The following TENM3 variants were observed in gnomAD, a reference collection of about 807,000 sequenced individuals.
TENM3 encodes the protein teneurin transmembrane protein 3.
Under a neutral mutation model 255.1 loss-of-function variants are expected in TENM3, and 63 were observed. The ratio of observed to expected loss-of-function variants is 0.25; its 90% CI spans 0.20 to 0.30. The LOEUF (loss-of-function observed/expected upper bound fraction) is 0.30, where lower values mean the gene tolerates loss of function less well. Ranked by LOEUF, TENM3 falls within the 10% of genes least tolerant of loss-of-function variation. The probability of loss-of-function intolerance (pLI) is 1.00; values close to 1 mark genes in which losing one functional copy is unlikely to be tolerated. For synonymous variants in TENM3, 1,306 were observed against 1,322.3 expected (o/e 0.99, Z 0.27); for missense variants, 2,929 against 3,461.1 (o/e 0.85, Z 3.86).
At chr4:182,731,626 C>A (rs997366042) in intron 16 of TENM3, among the ~76,000 whole-genome samples, 3 of 150,666 alleles carry the variant, frequency 2.0e-5, no homozygotes, top group South Asian at 4.2e-4. Flanking sequence ...CCAAAAAAAA[C>A]CACGGATTAT....
At chr4:182,423,240 G>A (rs188115478) in intron 3 of TENM3, among the ~76,000 whole-genome samples, 96 of 152,208 alleles carry the variant, frequency 6.3e-4, no homozygotes, top group African/African-American at 2.2e-3. Flanking sequence ...CTCAGGTTGT[G>A]TAAAGTATTT....
At chr4:181,554,311 A>T in the TENM3 span, among the ~76,000 whole-genome samples, 26 of 152,210 alleles carry the variant, frequency 1.7e-4, no homozygotes, top group African/African-American at 6.0e-4. Flanking sequence ...ACAGCTAAAG[A>T]AAACATTAAC....
At chr4:181,816,642 A>G in the TENM3 span, among the ~76,000 whole-genome samples, 8 of 152,062 alleles carry the variant, frequency 5.3e-5, no homozygotes, top group African/African-American at 1.4e-4. Context: ...TCCCCCATCA[A>G]CTGGGTCCTT....
chr4:182,272,047 A>G (rs1360231161), intron 1 of TENM3, among the ~76,000 whole-genome samples: 1 of 152,232 alleles, frequency 6.6e-6, no homozygotes, highest in Non-Finnish European at 1.5e-5. Flanking sequence ...ATATAAAAAT[A>G]TAGGGTGAAT....
chr4:182,159,112 G>A (rs972465265), intron 1 of TENM3, among the ~76,000 whole-genome samples: 2 of 152,208 alleles, frequency 1.3e-5, no homozygotes, highest in Non-Finnish European at 2.9e-5. Context: ...ACGATGGCTG[G>A]TGGTGTTGCT....
chr4:182,115,594 C>T, the TENM3 span, among the ~76,000 whole-genome samples: 2 of 152,156 alleles, frequency 1.3e-5, no homozygotes, highest in Admixed American at 6.5e-5. Flanking sequence ...ACCTGATAGA[C>T]TTTGATAACA....
intron 3 of TENM3, among the ~76,000 whole-genome samples, chr4:182,572,030 T>A (rs905658175): frequency 6.6e-6 from 1 of 152,072 alleles, no homozygotes; most frequent in African/African-American, 2.4e-5. Flanking sequence ...GCCTCCCGAG[T>A]AGCTGGGACT....
the TENM3 span, among the ~76,000 whole-genome samples, chr4:181,697,673 T>A: frequency 1.3e-5 from 2 of 152,100 alleles, no homozygotes; most frequent in African/African-American, 2.4e-5. Context: ...ATTACAGGCG[T>A]AAGCCACTGC....
At chr4:182,066,746 T>TAA in the TENM3 span, among the ~76,000 whole-genome samples, 1 of 151,546 alleles carries the variant, frequency 6.6e-6, no homozygotes, top group Non-Finnish European at 1.5e-5. Context: ...CCGTCTCCAC[T>TAA]AAAAATACAA....
chr4:182,540,776 TCTCATA>T (rs1326838301), intron 3 of TENM3, among the ~76,000 whole-genome samples: 1 of 152,104 alleles, frequency 6.6e-6, no homozygotes, highest in South Asian at 2.1e-4. Context: ...TGGCTTCTGC[TCTCATA>T]GAACTTAGTA....
intron 3 of TENM3, among the ~76,000 whole-genome samples, chr4:182,392,190 T>C (rs1181524887): frequency 6.6e-6 from 1 of 152,222 alleles, no homozygotes; most frequent in East Asian, 1.9e-4. Context: ...AGGGTCGTTC[T>C]TCCTCTAAGC....
At chr4:182,592,257 T>C (rs1409576084) in intron 3 of TENM3, among the ~76,000 whole-genome samples, 9 of 152,158 alleles carry the variant, frequency 5.9e-5, no homozygotes, top group Non-Finnish European at 1.0e-4. Flanking sequence ...TACCTAACTT[T>C]AGAAAATCAA....
the TENM3 span, among the ~76,000 whole-genome samples, chr4:181,985,701 G>A: frequency 6.6e-6 from 1 of 152,068 alleles, no homozygotes; most frequent in African/African-American, 2.4e-5. Context: ...TAAACAATGA[G>A]CAATTCAAAG....
intron 3 of TENM3, among the ~76,000 whole-genome samples, chr4:182,541,917 G>A (rs990185714): frequency 6.6e-6 from 1 of 151,870 alleles, no homozygotes. Context: ...AAAAAAATTA[G>A]CGAGGCGTAG....
intron 5 of TENM3, among the ~76,000 whole-genome samples, chr4:182,629,292 GCTCA>G (rs1225864523): frequency 6.6e-6 from 1 of 152,070 alleles, no homozygotes; most frequent in African/African-American, 2.4e-5. Context: ...AAGTCTCTCA[GCTCA>G]CTCAGCCATC....
the TENM3 span, among the ~76,000 whole-genome samples, chr4:182,111,189 C>CTTTTTTTTTTTTTTTTTTTTT: frequency 5.0e-5 from 4 of 80,524 alleles, no homozygotes; most frequent in African/African-American, 1.1e-4. Flanking sequence ...GTCTTCTTCT[C>CTTTTTTTTTTTTTTTTTTTTT]TTTTTTTTTT....
chr4:181,941,376 G>T, the TENM3 span, among the ~76,000 whole-genome samples: 1 of 150,512 alleles, frequency 6.6e-6, no homozygotes, highest in Non-Finnish European at 1.5e-5. Context: ...TCACTATGCT[G>T]CATTCTGGAT....
the TENM3 span, among the ~76,000 whole-genome samples, chr4:181,663,118 G>T: frequency 2.0e-5 from 3 of 152,158 alleles, no homozygotes; most frequent in African/African-American, 4.8e-5. Context: ...ATTTTTTTCT[G>T]CAGGGTCTGA....
chr4:181,461,844 A>C, the TENM3 span, among the ~76,000 whole-genome samples: 1 of 152,064 alleles, frequency 6.6e-6, no homozygotes, highest in Non-Finnish European at 1.5e-5. Context: ...CTCATGTCTA[A>C]ATCTGTTGAT....
Sources: gnomAD v4.1 joint callset for allele counts (sites outside exome capture counted in the v4.1 genomes callset) on GRCh38, gnomAD v4.1.1 for gene constraint, MANE v1.5 for transcripts, NCBI Gene and HGNC (gene_info 2026-07-23, HGNC 2026-07-21) for gene names.